The following SLC35F1 variants were observed in gnomAD, a reference collection of about 807,000 sequenced individuals.
SLC35F1 encodes chromosome 6 open reading frame 169.
SLC35F1 carries 14 observed loss-of-function variants against 48.7 expected under a neutral mutation model. That is an observed-to-expected ratio of 0.29 (90% CI 0.19 to 0.45). SLC35F1 has a LOEUF of 0.45. SLC35F1 is among the 20% of genes least tolerant of loss of function. The pLI is 1.00. For missense variants in SLC35F1, 404 were observed against 500.0 expected (o/e 0.81, Z 1.83); for synonymous variants, 190 against 202.2 (o/e 0.94, Z 0.51).
intron 1 of SLC35F1, among the ~76,000 whole-genome samples, chr6:118,135,039 C>A (rs1355266289): frequency 6.6e-6 from 1 of 152,186 alleles, no homozygotes; most frequent in Non-Finnish European, 1.5e-5. Context: ...AATTCAAGAA[C>A]AAGGACGTCA....
At chr6:118,096,451 G>A (rs900203391) in intron 1 of SLC35F1, among the ~76,000 whole-genome samples, 1 of 152,188 alleles carries the variant, frequency 6.6e-6, no homozygotes, top group Non-Finnish European at 1.5e-5. Flanking sequence ...ACAGAAAGGC[G>A]ATGAATAAAT....
intron 1 of SLC35F1, among the ~76,000 whole-genome samples, chr6:117,920,500 A>C (rs1286804367): frequency 6.6e-6 from 1 of 152,204 alleles, no homozygotes; most frequent in Non-Finnish European, 1.5e-5. Context: ...CTGAAACGTC[A>C]CAACCAACCA....
Position 117,981,919 on chromosome 6 carries a change from C to T in SLC35F1, c.173+74020C>T, listed in dbSNP as rs537796142. On this transcript the variant is annotated intron_variant, in intron 1 of 7. Transcript: ENST00000360388. ...TCATTTTGGGGCAGGGAGAAATTCT[C>T]CATAGACTCCATGGTGCCTCTGCTG... 1.1e-4 allele frequency among the ~76,000 whole-genome samples: 16 copies of T among 152,094 alleles called. No individual in the cohort carries two copies. In the South Asian group the frequency reaches 3.3e-3, roughly 32 times the overall value.
At chr6:118,244,656 G>A (rs1359738881) in intron 3 of SLC35F1, among the ~76,000 whole-genome samples, 1 of 152,140 alleles carries the variant, frequency 6.6e-6, no homozygotes, top group African/African-American at 2.4e-5. Context: ...TTCATCTTCA[G>A]TTTTCTTATA....
chr6:118,067,110 T>G (rs981369765), intron 1 of SLC35F1, among the ~76,000 whole-genome samples: 1 of 152,094 alleles, frequency 6.6e-6, no homozygotes, highest in Non-Finnish European at 1.5e-5. Context: ...ATTGAAACAA[T>G]TTGTGCACAA....
chr6:118,067,097 A>G (rs1210359935), intron 1 of SLC35F1, among the ~76,000 whole-genome samples: 2 of 152,242 alleles, frequency 1.3e-5, no homozygotes, highest in Non-Finnish European at 2.9e-5. Flanking sequence ...TTTTAAAAAT[A>G]GAATTGAAAC....
At chr6:118,287,609 G>C (rs1012536728) in intron 7 of SLC35F1, among the ~76,000 whole-genome samples, 29 of 152,152 alleles carry the variant, frequency 1.9e-4, no homozygotes, top group African/African-American at 6.3e-4. Context: ...AGATGTGTCT[G>C]GGGGAGTCTG....
chr6:118,002,836 A>G (rs1582612738), intron 1 of SLC35F1, among the ~76,000 whole-genome samples: 1 of 152,036 alleles, frequency 6.6e-6, no homozygotes, highest in South Asian at 2.1e-4. Context: ...GAAACCCAAC[A>G]TTATTTTTGA....
chr6:118,298,247 T>C (rs930233150), intron 7 of SLC35F1, among the ~76,000 whole-genome samples: 9 of 152,210 alleles, frequency 5.9e-5, no homozygotes, highest in African/African-American at 2.2e-4. Context: ...CAGTCCTTTT[T>C]CAATATCGTG....
chr6:117,944,922 G>A (rs140418060), intron 1 of SLC35F1, among the ~76,000 whole-genome samples: 1 of 152,152 alleles, frequency 6.6e-6, no homozygotes, highest in African/African-American at 2.4e-5. Flanking sequence ...AGGTACAGCA[G>A]GCTTAGGGGG....
At chr6:118,286,775 CTGTG>C (rs372641234) in intron 7 of SLC35F1, among the ~76,000 whole-genome samples, 70 of 143,674 alleles carry the variant, frequency 4.9e-4, no homozygotes, top group Admixed American at 2.7e-3. Flanking sequence ...TACCTTTTTT[CTGTG>C]TGTGTGTGTG....
chr6:118,094,529 G>A (rs980018529), intron 1 of SLC35F1, among the ~76,000 whole-genome samples: 2 of 152,142 alleles, frequency 1.3e-5, no homozygotes, highest in African/African-American at 4.8e-5. Flanking sequence ...AAAATAGACA[G>A]AAGAGAAGTC....
At position 118,151,127 on chromosome 6, in the gene SLC35F1, A is replaced by C. The variant is rs186501382; in HGVS notation, c.174-3318A>C. Among the ~76,000 whole-genome samples the C allele has an allele frequency of 1.4e-4, 21 of 152,270 alleles. No homozygotes were observed. In the East Asian group the frequency reaches 3.9e-3, roughly 28 times the overall value. On this transcript the variant is annotated intron_variant, in intron 1 of 7. Transcript: ENST00000360388. The stretch of plus-strand genomic sequence containing the variant: ...CCTTTTGGTTTCCTTAACACCAAAA[A>C]ACTCTCTTGCTCTTCCTCTTAGCCT...
intron 2 of SLC35F1, among the ~76,000 whole-genome samples, chr6:118,171,886 CA>C (rs956361018): frequency 5.3e-5 from 8 of 151,744 alleles, no homozygotes; most frequent in African/African-American, 1.7e-4. Flanking sequence ...TGAATTAGTG[CA>C]AAAAAAGGGA....
At chr6:117,982,823 C>A (rs1315623724) in intron 1 of SLC35F1, among the ~76,000 whole-genome samples, 1 of 151,962 alleles carries the variant, frequency 6.6e-6, no homozygotes, top group Admixed American at 6.6e-5. Context: ...GGAACTGAAA[C>A]AAAAAAACGT....
At position 118,003,042 on chromosome 6, in the gene SLC35F1, G is replaced by C. The variant is rs147676598; in HGVS notation, c.173+95143G>C. Among the ~76,000 whole-genome samples, 159 of 152,256 alleles carry C rather than the reference G, an allele frequency of 1.0e-3. 2 individuals are homozygous for C. The East Asian group carries it at 0.027, about 26-fold the overall frequency. On this transcript the variant is annotated intron_variant, in intron 1 of 7. Transcript: ENST00000360388. ...TAGATTGTGCTCAGTAAATCAAATAGCATATACATATATTGCACTACTTAT... is the reference window on the plus strand; with the variant it reads ...TAGATTGTGCTCAGTAAATCAAATACCATATACATATATTGCACTACTTAT...
In SLC35F1 at chr6:118,025,949, A is replaced by G. The variant is rs9489299; in HGVS notation, c.173+118050A>G. 4.9e-3 allele frequency among the ~76,000 whole-genome samples: 749 copies of G among 152,308 alleles called. 7 individuals are homozygous for G. Among genetic ancestry groups the G allele is most frequent in the African/African-American group, 0.016 (679 of 41,572 alleles). On this transcript the variant is annotated intron_variant, in intron 1 of 7. Transcript: ENST00000360388. ...CCAGGTAACTGTGGTTGCACCAAAT[A>G]AAGAGCAAATTTAATATTCATTCAA...
chr6:117,923,532 T>C (rs1463231831), intron 1 of SLC35F1, among the ~76,000 whole-genome samples: 1 of 144,238 alleles, frequency 6.9e-6, no homozygotes, highest in Non-Finnish European at 1.5e-5. Flanking sequence ...TATACACATA[T>C]ATGGAATAGA....
In SLC35F1 at chr6:118,157,781, A is replaced by G. The variant is rs1774168447; in HGVS notation, c.349+3161A>G. On this transcript the variant is annotated intron_variant, in intron 2 of 7. Coordinates refer to ENST00000360388, the MANE Select transcript of SLC35F1 (RefSeq NM_001029858.4). ...CCCAGCTGTGCTGGCAGCTGATTAG[A>G]TGGTGCCCACCCAGATTGAGGGTGG... 2.6e-5 allele frequency among the ~76,000 whole-genome samples: 4 copies of G among 152,232 alleles called. No individual in the cohort carries two copies. In the South Asian group the frequency reaches 8.3e-4, roughly 32 times the overall value.
Sources: gnomAD v4.1 joint callset for allele counts (sites outside exome capture counted in the v4.1 genomes callset) on GRCh38, gnomAD v4.1.1 for gene constraint, MANE v1.5 for transcripts, NCBI Gene and HGNC (gene_info 2026-07-23, HGNC 2026-07-21) for gene names.